Variants in KIAA1328 observed in about 807,000 individuals in gnomAD.
KIAA1328 encodes protein hinderin.
KIAA1328 carries 52 observed loss-of-function variants against 68.1 expected under a neutral mutation model. That is an observed-to-expected ratio of 0.76 (90% CI 0.61 to 0.96). The LOEUF (loss-of-function observed/expected upper bound fraction) is 0.96, where lower values mean the gene tolerates loss of function less well. Among genes scored for constraint, KIAA1328 ranks in the 40% least tolerant of loss-of-function variants. KIAA1328 has a pLI of 0.00. For synonymous variants in KIAA1328, 232 were observed against 239.4 expected, an observed-to-expected ratio of 0.97 and a Z score of 0.28; for missense variants, 641 against 677.6, an observed-to-expected ratio of 0.95 and a Z score of 0.60.
chr18:37,080,201 A>G (rs1009519242), intron 7 of KIAA1328, among the ~76,000 whole-genome samples: 1 of 152,162 alleles, frequency 6.6e-6, no homozygotes, highest in Non-Finnish European at 1.5e-5. Flanking sequence ...TCTTTCCAGA[A>G]CCCAGATCTC....
intron 6 of KIAA1328, among the ~76,000 whole-genome samples, chr18:37,024,646 C>T (rs565155265): frequency 7.2e-4 from 109 of 151,414 alleles, no homozygotes; most frequent in African/African-American, 2.6e-3. Flanking sequence ...TCTGTCCTTG[C>T]GATAGTTTGC....
chr18:37,061,401 A>G (rs2056141276), intron 6 of KIAA1328, among the ~76,000 whole-genome samples: 2 of 152,206 alleles, frequency 1.3e-5, no homozygotes, highest in South Asian at 4.1e-4. Flanking sequence ...AACTTGATCT[A>G]GGTGATGGTT....
chr18:36,841,661 C>T (rs1458427761), intron 3 of KIAA1328, among the ~76,000 whole-genome samples: 1 of 152,138 alleles, frequency 6.6e-6, no homozygotes, highest in African/African-American at 2.4e-5. Context: ...GTCTCAACAA[C>T]TCAACTCTGC....
At chr18:36,971,601 C>G (rs2052215834) in intron 6 of KIAA1328, among the ~76,000 whole-genome samples, 1 of 151,924 alleles carries the variant, frequency 6.6e-6, no homozygotes, top group Non-Finnish European at 1.5e-5. Context: ...TGCACTCCAC[C>G]CTGGACGACA....
At position 37,063,613 on chromosome 18, in the gene KIAA1328, A is replaced by G. The variant is rs1599129358; in HGVS notation, c.577-3277A>G. On this transcript the variant is annotated intron_variant, in intron 6 of 9. Transcript: ENST00000280020. ...AGCATCTTAGAATTCTGCCTATTAC[A>G]CATGCACAGTAACCAAGCAGGTAAT... 6.1e-6 allele frequency: 6 copies of G among 984,782 alleles called. No homozygotes were observed. In the Admixed American group the frequency reaches 1.8e-4, roughly 30 times the overall value. 61.0% of individuals were successfully genotyped at this position (984,782 alleles called of 1,614,324 possible).
At chr18:37,000,949 A>C (rs578043156) in intron 6 of KIAA1328, among the ~76,000 whole-genome samples, 1 of 152,196 alleles carries the variant, frequency 6.6e-6, no homozygotes, top group Admixed American at 6.5e-5. Context: ...AGAATGATTA[A>C]AAATTAAGAA....
chr18:36,982,138 T>C (rs1274078784), intron 6 of KIAA1328, among the ~76,000 whole-genome samples: 1 of 110,190 alleles, frequency 9.1e-6, no homozygotes, highest in East Asian at 2.7e-4. Context: ...ATTATAAAAA[T>C]ATAAATAAAT....
intron 7 of KIAA1328, among the ~76,000 whole-genome samples, chr18:37,120,559 G>C (rs947056942): frequency 6.6e-6 from 1 of 152,128 alleles, no homozygotes; most frequent in Admixed American, 6.6e-5. Context: ...AGAAGCGCTG[G>C]ATGGTGTAAG....
chr18:37,090,599 CTG>C (rs1249132815), intron 7 of KIAA1328, among the ~76,000 whole-genome samples: 1 of 152,076 alleles, frequency 6.6e-6, no homozygotes, highest in East Asian at 1.9e-4. Flanking sequence ...TTAAGGACTG[CTG>C]TGTGAGAATT....
chr18:36,961,507 G>A (rs927027727), intron 6 of KIAA1328, among the ~76,000 whole-genome samples: 12 of 152,158 alleles, frequency 7.9e-5, no homozygotes, highest in Middle Eastern at 3.4e-3. Context: ...CCCAAGACAC[G>A]TAATTGTCAG....
chr18:37,114,745 A>G (rs2151913190), intron 7 of KIAA1328, among the ~76,000 whole-genome samples: 1 of 152,244 alleles, frequency 6.6e-6, no homozygotes, highest in African/African-American at 2.4e-5. Context: ...AAAGATCAAC[A>G]AAACAAAATT....
At position 36,877,993 on chromosome 18, in the gene KIAA1328, T is replaced by G. The variant is rs534071935; in HGVS notation, c.333-7564T>G. Among the ~76,000 whole-genome samples the G allele has an allele frequency of 2.0e-5, 3 of 152,268 alleles. No homozygotes were observed. The South Asian group carries it at 6.2e-4, about 32-fold the overall frequency. ...AGTCTGTGTCTTTTAATTGGGGCATTTAGCCCACTTACCTTTAAGGTTAAC... is the reference window on the plus strand; with the variant it reads ...AGTCTGTGTCTTTTAATTGGGGCATGTAGCCCACTTACCTTTAAGGTTAAC... On this transcript the variant is annotated intron_variant, in intron 4 of 9. Coordinates refer to ENST00000280020, the MANE Select transcript of KIAA1328 (RefSeq NM_020776.3).
chr18:37,135,656 A>G (rs2058627141), intron 7 of KIAA1328, among the ~76,000 whole-genome samples: 1 of 152,144 alleles, frequency 6.6e-6, no homozygotes, highest in Non-Finnish European at 1.5e-5. Flanking sequence ...CTCTGTTGAT[A>G]GTTTCCTTTG....
At chr18:37,177,174 A>G (rs1414978879) in intron 9 of KIAA1328, among the ~76,000 whole-genome samples, 2 of 152,206 alleles carry the variant, frequency 1.3e-5, no homozygotes, top group Non-Finnish European at 2.9e-5. Context: ...ACAGCTGTAT[A>G]TCCTTGATAT....
intron 6 of KIAA1328, among the ~76,000 whole-genome samples, chr18:37,059,965 C>T (rs983950112): frequency 1.3e-5 from 2 of 151,100 alleles, no homozygotes; most frequent in African/African-American, 4.9e-5. Context: ...TACATGTTCT[C>T]ACTCATAACT....
At chr18:37,186,578 A>C (rs1008881223) in intron 9 of KIAA1328, among the ~76,000 whole-genome samples, 4 of 151,452 alleles carry the variant, frequency 2.6e-5, no homozygotes, top group East Asian at 2.0e-4. Context: ...AAAAAAAAAA[A>C]AAAAAAAAAC....
Position 37,193,931 on chromosome 18 carries a change from A to G in KIAA1328, c.1523+20850A>G, listed in dbSNP as rs566272691. ...ATTATGCATATACAGTCTTAGCTGT[A>G]TAGATGAATGCATGTACCTCATTCT... On this transcript the variant is annotated intron_variant, in intron 9 of 9. Transcript: ENST00000280020. Among the ~76,000 whole-genome samples the G allele has an allele frequency of 6.4e-4, 97 of 152,204 alleles. 1 individual carries two copies. Among genetic ancestry groups the G allele is most frequent in the Non-Finnish European group, 1.2e-3 (80 of 68,038 alleles).
intron 4 of KIAA1328, among the ~76,000 whole-genome samples, chr18:36,865,573 G>A (rs1486634395): frequency 1.3e-5 from 2 of 151,886 alleles, no homozygotes; most frequent in South Asian, 2.1e-4. Flanking sequence ...TTCCCCCCTC[G>A]TTTTTTTGTT....
At chr18:37,105,879 T>C (rs992441701) in intron 7 of KIAA1328, among the ~76,000 whole-genome samples, 3 of 120,240 alleles carry the variant, frequency 2.5e-5, no homozygotes, top group South Asian at 2.8e-4. Flanking sequence ...ATTGCTCCAC[T>C]GCGCTCCAGC....
Sources: allele counts gnomAD v4.1 joint callset (sites outside exome capture counted in the v4.1 genomes callset), GRCh38; gene constraint gnomAD v4.1.1; transcripts MANE v1.5; gene names NCBI Gene and HGNC (gene_info 2026-07-23, HGNC 2026-07-21).